Variants in CAMK2D observed in about 807,000 individuals in gnomAD.
The protein encoded by CAMK2D is calcium/calmodulin-dependent protein kinase type II subunit delta.
Under a neutral mutation model 84.0 loss-of-function variants are expected in CAMK2D, and 37 were observed. That is an observed-to-expected ratio of 0.44 (90% CI 0.34 to 0.58). CAMK2D has a LOEUF of 0.58. Among genes scored for constraint, CAMK2D ranks in the 20% least tolerant of loss-of-function variants. The probability of loss-of-function intolerance (pLI) is 0.02; values close to 1 mark genes in which losing one functional copy is unlikely to be tolerated. For synonymous variants in CAMK2D, 202 were observed against 212.5 expected, an observed-to-expected ratio of 0.95 and a Z score of 0.43; for missense variants, 448 against 652.5, an observed-to-expected ratio of 0.69 and a Z score of 3.41.
chr4:113,539,163 T>A (rs1198328599), intron 6 of CAMK2D, among the ~76,000 whole-genome samples: 1 of 152,238 alleles, frequency 6.6e-6, no homozygotes, highest in Non-Finnish European at 1.5e-5. Flanking sequence ...TCTACCACAT[T>A]CATGCATTTC....
At position 113,460,244 on chromosome 4, in the gene CAMK2D, G is replaced by A. The variant is rs1309297727; in HGVS notation, c.1212-3C>T. On this transcript the variant is annotated splice_region_variant and splice_polypyrimidine_tract_variant and intron_variant, in intron 17 of 20. Transcript: ENST00000511664. ...TAAGGCCTGGGTCACAGATTTTTCT[G>A]TAAAAGAAAAATAATGAAAACAACC... is the stretch of plus-strand genomic sequence containing the variant. 3.2e-6 allele frequency: 5 copies of A among 1,545,836 alleles called. No individual in the cohort carries two copies. Among genetic ancestry groups the A allele is most frequent in the Non-Finnish European group, 1.8e-6 (2 of 1,124,090 alleles).
chr4:113,513,482 G>C, intron 11 of CAMK2D, 112 bp from the exon 12 acceptor site: 2 of 781,848 alleles, frequency 2.6e-6, no homozygotes, highest in Admixed American at 4.4e-5. Flanking sequence ...TCAGTTAGGG[G>C]ATTTTTTATT....
Position 113,674,854 on chromosome 4 carries a change from G to A in CAMK2D, c.161-13082C>T, listed in dbSNP as rs113475534. ...ACAGAAATCAATGACTACTCCCCCC[G>A]AGAGAATAAACAACAGAGGCACTAA... On this transcript the variant is annotated intron_variant, in intron 2 of 20. Coordinates refer to ENST00000511664, the MANE Select transcript of CAMK2D (RefSeq NM_001321571.2). 2.9e-3 allele frequency among the ~76,000 whole-genome samples: 448 copies of A among 151,876 alleles called. 1 individual carries two copies. The highest frequency in any genetic ancestry group is 0.01 in the African/African-American group (426 of 41,398).
At chr4:113,529,924 T>C (rs1450926196) in intron 8 of CAMK2D, among the ~76,000 whole-genome samples, 1 of 152,192 alleles carries the variant, frequency 6.6e-6, no homozygotes, top group African/African-American at 2.4e-5. Flanking sequence ...TATCAAAGTG[T>C]TCCAGAAAAT....
intron 13 of CAMK2D, among the ~76,000 whole-genome samples, chr4:113,507,978 CTTT>C (rs1025190685): frequency 8.6e-5 from 13 of 152,008 alleles, no homozygotes; most frequent in African/African-American, 3.1e-4. Flanking sequence ...CTGTCATGGT[CTTT>C]TTATTTTCAA....
chr4:113,646,932 T>C (rs781696313), intron 3 of CAMK2D, among the ~76,000 whole-genome samples: 1 of 152,190 alleles, frequency 6.6e-6, no homozygotes, highest in Non-Finnish European at 1.5e-5. Context: ...AATAACTGCA[T>C]CATAAACCTC....
intron 3 of CAMK2D, among the ~76,000 whole-genome samples, chr4:113,645,049 C>T (rs1160110837): frequency 6.6e-6 from 1 of 152,146 alleles, no homozygotes; most frequent in African/African-American, 2.4e-5. Flanking sequence ...CGGACTCTCG[C>T]TCTGTCGCCC....
chr4:113,484,393 G>T (rs911610700), intron 16 of CAMK2D, among the ~76,000 whole-genome samples: 1 of 152,088 alleles, frequency 6.6e-6, no homozygotes, highest in African/African-American at 2.4e-5. Flanking sequence ...CTGAAAGGAG[G>T]CCATTAGGGC....
intron 16 of CAMK2D, among the ~76,000 whole-genome samples, chr4:113,484,643 CTT>C (rs2097746928): frequency 6.6e-6 from 1 of 152,278 alleles, no homozygotes; most frequent in East Asian, 1.9e-4. Flanking sequence ...GTAGAATTAA[CTT>C]CACAAAAACT....
In CAMK2D at chr4:113,479,589, C is replaced by T. The variant is rs548352480; in HGVS notation, c.1136-13985G>A. 3.9e-5 allele frequency among the ~76,000 whole-genome samples: 6 copies of T among 152,214 alleles called. No individual in the cohort carries two copies. In the South Asian group the frequency reaches 1.0e-3, roughly 26 times the overall value. On this transcript the variant is annotated intron_variant, in intron 16 of 20. Coordinates refer to ENST00000511664, the MANE Select transcript of CAMK2D (RefSeq NM_001321571.2). Reference sequence around the variant, plus strand: ...TCATAATGAGTTAAAAGAACACCGTCATCTTCACAAACACTTTAAAAAAAC... The same window carrying T: ...TCATAATGAGTTAAAAGAACACCGTTATCTTCACAAACACTTTAAAAAAAC...
intron 17 of CAMK2D, among the ~76,000 whole-genome samples, chr4:113,463,947 TTATAAG>T (rs2097424939): frequency 6.6e-6 from 1 of 152,234 alleles, no homozygotes; most frequent in Non-Finnish European, 1.5e-5. Context: ...TGTTAAATTC[TTATAAG>T]TAGAATTATA....
rs145203359 is a variant in CAMK2D, at chr4:113,678,235, A to G, written c.161-16463T>C. On this transcript the variant is annotated intron_variant, in intron 2 of 20. Transcript: ENST00000511664. ...GCCACACAGTAGAAAGAAGCTGAAC[A>G]GCAGAGAAAGGTGGATCTGAGAGCT... is the stretch of plus-strand genomic sequence containing the variant. Among the ~76,000 whole-genome samples the G allele has an allele frequency of 7.9e-3, 1,204 of 152,284 alleles. 14 individuals carry two copies. Among genetic ancestry groups the G allele is most frequent in the African/African-American group, 0.028 (1,157 of 41,544 alleles).
At chr4:113,715,909 T>A (rs1187536831) in intron 2 of CAMK2D, among the ~76,000 whole-genome samples, 1 of 152,116 alleles carries the variant, frequency 6.6e-6, no homozygotes, top group East Asian at 1.9e-4. Context: ...GAACCATTAC[T>A]CCCATTAGTT....
chr4:113,589,953 AT>A (rs1162543258), intron 4 of CAMK2D, among the ~76,000 whole-genome samples: 2 of 152,144 alleles, frequency 1.3e-5, no homozygotes, highest in Non-Finnish European at 2.9e-5. Context: ...GTGGAAGGAA[AT>A]TACCTCTATG....
intron 2 of CAMK2D, among the ~76,000 whole-genome samples, chr4:113,701,474 A>G (rs897648871): frequency 2.0e-5 from 3 of 152,174 alleles, no homozygotes; most frequent in Non-Finnish European, 2.9e-5. Context: ...AGAATTGAAC[A>G]GGGAGAGAAG....
intron 2 of CAMK2D, among the ~76,000 whole-genome samples, chr4:113,695,398 A>G (rs1376762868): frequency 6.6e-6 from 1 of 151,954 alleles, no homozygotes; most frequent in Non-Finnish European, 1.5e-5. Context: ...CCAAGGGTCA[A>G]CTCTCTATCT....
At chr4:113,685,594 G>C (rs7670019) in intron 2 of CAMK2D, among the ~76,000 whole-genome samples, 8 of 151,852 alleles carry the variant, frequency 5.3e-5, no homozygotes, top group African/African-American at 1.9e-4. Context: ...AATAAATTAG[G>C]TGTATAAATT....
chr4:113,753,310 A>G (rs867839662), intron 2 of CAMK2D, among the ~76,000 whole-genome samples: 1 of 152,002 alleles, frequency 6.6e-6, no homozygotes, highest in Non-Finnish European at 1.5e-5. Context: ...TTAATGATGA[A>G]GATGGCATTA....
At chr4:113,516,992 AT>A (rs1472843353) in intron 9 of CAMK2D, among the ~76,000 whole-genome samples, 1 of 151,938 alleles carries the variant, frequency 6.6e-6, no homozygotes, top group East Asian at 1.9e-4. Flanking sequence ...GTATATATAT[AT>A]ATCTACTTTC....
Sources: allele counts gnomAD v4.1 joint callset (sites outside exome capture counted in the v4.1 genomes callset), GRCh38; gene constraint gnomAD v4.1.1; transcripts MANE v1.5; gene names NCBI Gene and HGNC (gene_info 2026-07-23, HGNC 2026-07-21).